Variants in GUCY2F observed in about 807,000 individuals in gnomAD.
GUCY2F encodes guanylate cyclase 2F, retinal.
GUCY2F carries 61 observed loss-of-function variants against 73.1 expected under a neutral mutation model. The ratio of observed to expected loss-of-function variants is 0.83; its 90% CI spans 0.68 to 1.03. GUCY2F has a LOEUF of 1.03. GUCY2F is among the 50% of genes least tolerant of loss of function. The pLI is 0.00. For missense variants in GUCY2F, 912 were observed against 854.3 expected, an observed-to-expected ratio of 1.07 and a Z score of -0.84; for synonymous variants, 331 against 307.8, an observed-to-expected ratio of 1.08 and a Z score of -0.79.
intron 3 of GUCY2F, 22 bp from the exon 4 acceptor site, chrX:109,453,881 A>T (rs1240817992): frequency 2.1e-6 from 2 of 963,654 alleles, no homozygotes; most frequent in East Asian, 6.3e-5. Flanking sequence ...AATTACAATT[A>T]TCTTGAGCCC....
intron 16 of GUCY2F, among the ~76,000 whole-genome samples, chrX:109,384,141 C>T (rs1236826004): frequency 1.8e-5 from 2 of 111,965 alleles, no homozygotes; most frequent in African/African-American, 3.2e-5. Flanking sequence ...AGACTGGACC[C>T]ATTGTGTAAG....
intron 3 of GUCY2F, among the ~76,000 whole-genome samples, chrX:109,455,115 T>C (rs1164305352): frequency 1.8e-5 from 2 of 111,328 alleles, no homozygotes; most frequent in African/African-American, 6.5e-5. Context: ...GTGTCAAAAA[T>C]AGCAATGCCA....
At chrX:109,464,449 C>T (rs1284493587) in intron 3 of GUCY2F, among the ~76,000 whole-genome samples, 2 of 112,408 alleles carry the variant, frequency 1.8e-5, no homozygotes, top group Non-Finnish European at 3.8e-5. Flanking sequence ...TTACTCATTC[C>T]TCCCCACAAA....
intron 19 of GUCY2F, among the ~76,000 whole-genome samples, chrX:109,374,410 G>A (rs779960823): frequency 2.7e-5 from 3 of 111,761 alleles, no homozygotes; most frequent in East Asian, 5.6e-4. Flanking sequence ...GGTTCCAGAT[G>A]AGTGAATTTA....
intron 17 of GUCY2F, among the ~76,000 whole-genome samples, chrX:109,381,880 A>G (rs971978694): frequency 8.9e-6 from 1 of 112,875 alleles, no homozygotes; most frequent in African/African-American, 3.2e-5. Context: ...TACAACTTAC[A>G]GTCTGAAAAA....
intron 1 of GUCY2F, among the ~76,000 whole-genome samples, chrX:109,477,533 T>C (rs1220850395): frequency 1.8e-5 from 2 of 112,111 alleles, no homozygotes; most frequent in Non-Finnish European, 3.8e-5. Context: ...GTGTAATCAA[T>C]TGATAGAGGG....
At chrX:109,455,635 T>TTCTTCA (rs1422010455) in intron 3 of GUCY2F, among the ~76,000 whole-genome samples, 2 of 111,117 alleles carry the variant, frequency 1.8e-5, no homozygotes, top group African/African-American at 6.5e-5. Flanking sequence ...TGTTTAAGGG[T>TTCTTCA]TCTTCATCTC....
chrX:109,476,723 A>AAAGAT (rs1277733929), intron 1 of GUCY2F, among the ~76,000 whole-genome samples: 5 of 96,449 alleles, frequency 5.2e-5, no homozygotes, highest in African/African-American at 1.6e-4. Context: ...CCCAGAGGTA[A>AAAGAT]AGATAGATAG....
intron 8 of GUCY2F, among the ~76,000 whole-genome samples, chrX:109,413,144 C>T (rs1456989984): frequency 1.8e-5 from 2 of 112,252 alleles, no homozygotes; most frequent in Non-Finnish European, 3.8e-5. Context: ...TTATAGGCAT[C>T]CATCCTCAGC....
At chrX:109,469,849 A>G (rs1932539362) in intron 2 of GUCY2F, among the ~76,000 whole-genome samples, 1 of 111,459 alleles carries the variant, frequency 9.0e-6, no homozygotes, top group Non-Finnish European at 1.9e-5. Context: ...CCCATCCCCA[A>G]CTGTGACTCA....
intron 8 of GUCY2F, among the ~76,000 whole-genome samples, chrX:109,409,874 C>T (rs1240269511): frequency 9.0e-6 from 1 of 111,584 alleles, no homozygotes; most frequent in African/African-American, 3.3e-5. Context: ...AAACTTCTTT[C>T]CTTTATAAAT....
Position 109,444,759 on chromosome X carries a change from C to T in GUCY2F, c.1570-3277G>A, listed in dbSNP as rs188027939. On this transcript the variant is annotated intron_variant, in intron 6 of 19. Transcript: ENST00000218006. ...CAAAGAACACGCCTTTTCCACAAAA[C>T]GCAACTACTACTGAGTTATAGCCGA... Among the ~76,000 whole-genome samples, 145 of 111,913 alleles carry T rather than the reference C, an allele frequency of 1.3e-3. No homozygotes were observed. The Middle Eastern group carries it at 0.023, about 18-fold the overall frequency.
intron 2 of GUCY2F, among the ~76,000 whole-genome samples, chrX:109,471,845 A>G (rs1319434597): frequency 4.5e-5 from 5 of 111,948 alleles, no homozygotes; most frequent in Non-Finnish European, 9.4e-5. Context: ...TATCTCCTGG[A>G]TAATCCTGAG....
intron 7 of GUCY2F, among the ~76,000 whole-genome samples, chrX:109,434,116 CAA>C (rs1288608728): frequency 9.1e-6 from 1 of 110,287 alleles, no homozygotes; most frequent in Non-Finnish European, 1.9e-5. Flanking sequence ...AAAGATGAGA[CAA>C]AGAGGAAAAC....
chrX:109,380,920 G>A lies in GUCY2F; in HGVS notation c.3150+1198C>T, dbSNP rs773207007. 3.5e-3 allele frequency among the ~76,000 whole-genome samples: 388 copies of A among 112,179 alleles called. 1 individual carries two copies. Among genetic ancestry groups the A allele is most frequent in the South Asian group, 9.4e-3 (25 of 2,669 alleles). On this transcript the variant is annotated intron_variant, in intron 17 of 19. Coordinates refer to ENST00000218006, the MANE Select transcript of GUCY2F (RefSeq NM_001522.3). ...CTCCTCTGTTGAAATATGACAGAATGTATAGAAGGATCACAAAAGCTTTGG... is the reference window on the plus strand; with the variant it reads ...CTCCTCTGTTGAAATATGACAGAATATATAGAAGGATCACAAAAGCTTTGG...
intron 14 of GUCY2F, among the ~76,000 whole-genome samples, chrX:109,390,615 T>G (rs1930537538): frequency 8.9e-6 from 1 of 112,821 alleles, no homozygotes; most frequent in African/African-American, 3.2e-5. Context: ...CCCCCAACAA[T>G]TGTCTGAACA....
chrX:109,481,728 A>C (rs756872870), intron 1 of GUCY2F, 138 bp downstream of exon 1: 3 of 110,220 alleles, frequency 2.7e-5, no homozygotes, highest in Non-Finnish European at 5.7e-5. Flanking sequence ...TCTTTCCTTC[A>C]TTCTTTAAAT....
chrX:109,375,931 C>A lies in GUCY2F; in HGVS notation c.3295G>T (p.Ala1099Ser), dbSNP rs1930168058. ...TTGTTTCTCACCAACTGCCTTTCTG[C>A]TTTTCTTCTTTGGAAGGCTGCAATC... Reference protein sequence around the residue: ...VEIAAFQRRKAERQLVRNKP With the variant: ...VEIAAFQRRKSERQLVRNKP Residue 1099 changes from alanine to serine, a missense_variant, in exon 19 of 20, where the codon GCA becomes TCA. Ala to Ser is a moderately conservative substitution (Grantham distance 99, BLOSUM62 1). Transcript: ENST00000218006. 8.3e-7 allele frequency: 1 copy of A among 1,209,083 alleles called. No individual in the cohort carries two copies. Among genetic ancestry groups the A allele is most frequent in the African/African-American group, 1.7e-5 (1 of 57,415 alleles).
At chrX:109,390,247 G>A (rs1346830709) in intron 14 of GUCY2F, among the ~76,000 whole-genome samples, 1 of 111,223 alleles carries the variant, frequency 9.0e-6, no homozygotes, top group East Asian at 2.9e-4. Context: ...GGGTGCTGAG[G>A]GAAAAGGAGG....
Sources: allele counts gnomAD v4.1 joint callset (sites outside exome capture counted in the v4.1 genomes callset), GRCh38; gene constraint gnomAD v4.1.1; transcripts MANE v1.5; gene names NCBI Gene and HGNC (gene_info 2026-07-23, HGNC 2026-07-21).